The following PLCL1 variants were observed in gnomAD, a reference collection of about 807,000 sequenced individuals.
PLCL1 encodes the protein phospholipase C like 1 (inactive).
In PLCL1, 41 loss-of-function variants were observed where a neutral mutation model predicts 84.4. The ratio of observed to expected loss-of-function variants is 0.49; its 90% confidence interval spans 0.38 to 0.63. PLCL1 has a LOEUF of 0.63. Among genes scored for constraint, PLCL1 ranks in the 30% least tolerant of loss-of-function variants. The pLI, the probability that PLCL1 is intolerant of heterozygous loss-of-function variation, is 0.00. For missense variants in PLCL1, 1,206 were observed against 1,367.8 expected (o/e 0.88, Z 1.87); for synonymous variants, 490 against 488.3 (o/e 1.00, Z -0.05).
chr2:197,891,377 C>T (rs1688024046), intron 1 of PLCL1, among the ~76,000 whole-genome samples: 1 of 152,108 alleles, frequency 6.6e-6, no homozygotes, highest in South Asian at 2.1e-4. Flanking sequence ...TAAGATTGCT[C>T]CATCCCAGTT....
chr2:197,883,921 A>G (rs1211205516), intron 1 of PLCL1, among the ~76,000 whole-genome samples: 1 of 152,118 alleles, frequency 6.6e-6, no homozygotes, highest in African/African-American at 2.4e-5. Flanking sequence ...TGTTTTAAGT[A>G]CAGAATGGTA....
chr2:198,014,360 A>G (rs765699020), intron 1 of PLCL1, among the ~76,000 whole-genome samples: 4 of 152,054 alleles, frequency 2.6e-5, no homozygotes, highest in South Asian at 2.1e-4. Context: ...AAATTCCTCC[A>G]TTTACCATCA....
At chr2:197,974,306 A>G (rs1413414821) in intron 1 of PLCL1, among the ~76,000 whole-genome samples, 1 of 152,248 alleles carries the variant, frequency 6.6e-6, no homozygotes, top group South Asian at 2.1e-4. Flanking sequence ...GGAGATTTCA[A>G]TTTGGGAACC....
chr2:198,085,132 G>T lies in PLCL1; in HGVS notation c.1615G>T (p.Val539Leu). The T allele has an allele frequency of 6.2e-7, 1 of 1,614,056 alleles. No individual in the cohort carries two copies. The highest frequency in any genetic ancestry group is 8.5e-7 in the Non-Finnish European group (1 of 1,179,964). The change falls in exon 2 of 6, where the codon GTG (valine) becomes TTG (leucine). Residue 539 changes from valine to leucine, a missense_variant. By Grantham distance (32) the Val-to-Leu change is conservative. Transcript: ENST00000428675. This position sits in a 1 kb window ranked among gnomAD's most constrained non-coding sequence, Gnocchi z 5.3. ...AGAAAAATTAAAAAGAATGATCATTGTGAAAGGAAAGAAGTTGCCTTCTGA... is the reference window on the plus strand; with the variant it reads ...AGAAAAATTAAAAAGAATGATCATTTTGAAAGGAAAGAAGTTGCCTTCTGA... The part of the protein sequence containing the change: ...SPEKLKRMII[V>L]KGKKLPSDPD...
At chr2:198,079,476 C>A (rs988341476) in intron 1 of PLCL1, among the ~76,000 whole-genome samples, 1 of 151,902 alleles carries the variant, frequency 6.6e-6, no homozygotes, top group African/African-American at 2.4e-5. Flanking sequence ...GTTTAGAAAT[C>A]AGACATTATA....
At chr2:197,872,167 C>G (rs1464325666) in intron 1 of PLCL1, among the ~76,000 whole-genome samples, 2 of 152,114 alleles carry the variant, frequency 1.3e-5, no homozygotes, top group Admixed American at 6.6e-5. Context: ...CCCCCCTGGC[C>G]TAATCCAAGA....
intron 1 of PLCL1, among the ~76,000 whole-genome samples, chr2:198,011,401 C>T (rs1690865301): frequency 6.6e-6 from 1 of 151,910 alleles, no homozygotes; most frequent in Admixed American, 6.6e-5. Flanking sequence ...TGTTTAATTT[C>T]CACATATTAC....
intron 1 of PLCL1, among the ~76,000 whole-genome samples, chr2:197,807,062 A>G (rs1690501142): frequency 6.6e-6 from 1 of 152,238 alleles, no homozygotes; most frequent in African/African-American, 2.4e-5. Flanking sequence ...AGTAAATGCA[A>G]TTAACATTTG....
intron 1 of PLCL1, among the ~76,000 whole-genome samples, chr2:197,979,721 C>T (rs1433323095): frequency 2.0e-5 from 3 of 152,192 alleles, no homozygotes; most frequent in Non-Finnish European, 2.9e-5. Context: ...TCCCCAGCCA[C>T]ATTGAGATTT....
intron 1 of PLCL1, among the ~76,000 whole-genome samples, chr2:197,905,627 G>C (rs1008635095): frequency 1.3e-5 from 2 of 152,204 alleles, no homozygotes; most frequent in Non-Finnish European, 2.9e-5. Context: ...TGGGATTGCT[G>C]GGTCAAATGG....
At chr2:197,983,979 A>G (rs1181180581) in intron 1 of PLCL1, among the ~76,000 whole-genome samples, 1 of 152,186 alleles carries the variant, frequency 6.6e-6, no homozygotes, top group East Asian at 1.9e-4. Flanking sequence ...TATTAGTTGA[A>G]TCTTCCATAT....
chr2:198,070,324 CCTT>C (rs1692432520), intron 1 of PLCL1, among the ~76,000 whole-genome samples: 1 of 152,008 alleles, frequency 6.6e-6, no homozygotes, highest in Non-Finnish European at 1.5e-5. Flanking sequence ...TCAAGTTTAA[CCTT>C]CTTTTCCACC....
At chr2:197,949,509 C>A (rs1168003967) in intron 1 of PLCL1, among the ~76,000 whole-genome samples, 1 of 152,110 alleles carries the variant, frequency 6.6e-6, no homozygotes, top group African/African-American at 2.4e-5. Flanking sequence ...GGAAAAAACC[C>A]TATTTGTGAA....
intron 1 of PLCL1, among the ~76,000 whole-genome samples, chr2:197,852,828 T>C (rs1481479237): frequency 6.6e-6 from 1 of 152,180 alleles, no homozygotes; most frequent in Non-Finnish European, 1.5e-5. Context: ...ACATCTATAA[T>C]ATGTATCTAT....
At chr2:198,003,807 C>G (rs1165315228) in intron 1 of PLCL1, among the ~76,000 whole-genome samples, 1 of 152,138 alleles carries the variant, frequency 6.6e-6, no homozygotes, top group Non-Finnish European at 1.5e-5. Context: ...AACTTCTGAG[C>G]TGGAGGTGGA....
chr2:197,890,398 T>C (rs1559036412), intron 1 of PLCL1, among the ~76,000 whole-genome samples: 1 of 152,142 alleles, frequency 6.6e-6, no homozygotes, highest in Non-Finnish European at 1.5e-5. Flanking sequence ...CACCAACCTT[T>C]GGATCACTGC....
intron 1 of PLCL1, among the ~76,000 whole-genome samples, chr2:197,875,051 C>T (rs565001527): frequency 6.6e-6 from 1 of 152,106 alleles, no homozygotes; most frequent in African/African-American, 2.4e-5. Context: ...TTTAGGAGGC[C>T]GAGGTGGGCG....
intron 5 of PLCL1, among the ~76,000 whole-genome samples, chr2:198,138,142 A>C (rs1172178802): frequency 3.9e-5 from 6 of 152,176 alleles, no homozygotes; most frequent in African/African-American, 1.4e-4. Flanking sequence ...AACTACGTGA[A>C]ACTGGGTAAT....
At chr2:197,871,854 A>G (rs1201753402) in intron 1 of PLCL1, among the ~76,000 whole-genome samples, 1 of 151,994 alleles carries the variant, frequency 6.6e-6, no homozygotes, top group African/African-American at 2.4e-5. Flanking sequence ...GCACTGCAAC[A>G]CTCACCTATC....
Sources: allele counts gnomAD v4.1 joint callset (sites outside exome capture counted in the v4.1 genomes callset), GRCh38; gene constraint gnomAD v4.1.1; non-coding constraint Gnocchi (gnomAD v3.1); transcripts MANE v1.5; gene names NCBI Gene and HGNC (gene_info 2026-07-23, HGNC 2026-07-21).